Variants in EFCAB14 observed in about 807,000 individuals in gnomAD.
EFCAB14 encodes EF-hand calcium-binding domain-containing protein 14.
EFCAB14 carries 43 observed loss-of-function variants against 56.5 expected under a neutral mutation model. The ratio of observed to expected loss-of-function variants is 0.76; its 90% CI spans 0.60 to 0.98. The LOEUF is 0.98. Among genes scored for constraint, EFCAB14 ranks in the 50% least tolerant of loss-of-function variants. EFCAB14 has a pLI of 0.00. For synonymous variants in EFCAB14, 235 were observed against 212.9 expected (o/e 1.10, Z -0.90); for missense variants, 538 against 580.3 (o/e 0.93, Z 0.75).
At chr1:46,682,869 C>A (rs1193545750) in intron 10 of EFCAB14, among the ~76,000 whole-genome samples, 2 of 152,018 alleles carry the variant, frequency 1.3e-5, no homozygotes, top group African/African-American at 4.8e-5. Flanking sequence ...ACTAAAAATA[C>A]AAAAAATTAG....
chr1:46,714,339 T>A (rs1044630407), intron 2 of EFCAB14, among the ~76,000 whole-genome samples: 10 of 151,932 alleles, frequency 6.6e-5, no homozygotes, highest in African/African-American at 2.2e-4. Flanking sequence ...CTCATGCTAT[T>A]AAGGTTAGGG....
At chr1:46,709,584 A>G (rs1386617210) in intron 2 of EFCAB14, among the ~76,000 whole-genome samples, 2 of 152,256 alleles carry the variant, frequency 1.3e-5, no homozygotes, top group Non-Finnish European at 2.9e-5. Context: ...TCCAGCAGCC[A>G]GCACAGAGCC....
At chr1:46,678,667 C>T (rs756504344) in intron 10 of EFCAB14, 31 bp from the exon 11 acceptor site, 11 of 1,571,224 alleles carry the variant, frequency 7.0e-6, no homozygotes, top group Admixed American at 3.7e-5. Context: ...AAAATGTATA[C>T]GTCTAAACAT....
rs1200984070 is a variant in EFCAB14 at position 46,689,725 on chromosome 1, A to G, written c.691-34T>C. 2.5e-6 allele frequency: 4 copies of G among 1,577,022 alleles called. No homozygotes were observed. In the South Asian group the frequency reaches 3.3e-5, roughly 13 times the overall value. On this transcript the variant is annotated intron_variant, in intron 5 of 10. Coordinates refer to ENST00000371933, the MANE Select transcript of EFCAB14 (RefSeq NM_014774.3). ...AGGAAAGAAGTTTAGTGTAGGCAAC[A>G]AGGAATTATTAGGTCTACTTAACTA...
rs548072080 is a variant in EFCAB14, at chr1:46,706,135, G to C, written c.480+1771C>G. The stretch of plus-strand genomic sequence containing the variant: ...TCCCACCTTGGCCTCCCAAAGTGTT[G>C]GGATTACAGGTGTGAGCCACCACAC... On this transcript the variant is annotated intron_variant, in intron 3 of 10. Transcript: ENST00000371933. 2.0e-5 allele frequency among the ~76,000 whole-genome samples: 3 copies of C among 152,188 alleles called. No homozygotes were observed. The East Asian group carries it at 5.8e-4, about 29-fold the overall frequency.
At chr1:46,714,502 G>C (rs1175137467) in intron 2 of EFCAB14, among the ~76,000 whole-genome samples, 1 of 151,478 alleles carries the variant, frequency 6.6e-6, no homozygotes, top group Non-Finnish European at 1.5e-5. Flanking sequence ...TTTGGAAAAA[G>C]TAATTTGGGC....
Position 46,687,875 on chromosome 1 carries a change from C to T in EFCAB14, c.987+478G>A, listed in dbSNP as rs2119301. On this transcript the variant is annotated intron_variant, in intron 7 of 10. Transcript: ENST00000371933. Reference sequence around the variant, plus strand: ...CTGACCTGATCTGTTTCCTGACATACGCAAAAGGTTCCCCTTAATATATAG... The same window carrying T: ...CTGACCTGATCTGTTTCCTGACATATGCAAAAGGTTCCCCTTAATATATAG... Among the ~76,000 whole-genome samples the T allele has an allele frequency of 4.2e-3, 643 of 152,042 alleles. 1 individual carries two copies. The highest frequency in any genetic ancestry group is 0.014 in the African/African-American group (589 of 41,452).
At chr1:46,680,711 T>C (rs1349853270) in intron 10 of EFCAB14, among the ~76,000 whole-genome samples, 2 of 152,204 alleles carry the variant, frequency 1.3e-5, no homozygotes, top group Non-Finnish European at 2.9e-5. Flanking sequence ...AAACACTGCA[T>C]TTTAAAAAGG....
At chr1:46,678,995 G>A (rs1308290939) in intron 10 of EFCAB14, among the ~76,000 whole-genome samples, 1 of 152,170 alleles carries the variant, frequency 6.6e-6, no homozygotes, top group Non-Finnish European at 1.5e-5. Flanking sequence ...AGAATGAATG[G>A]TCTCATCTTC....
At chr1:46,682,993 G>A (rs1193369766) in intron 10 of EFCAB14, among the ~76,000 whole-genome samples, 2 of 147,688 alleles carry the variant, frequency 1.4e-5, no homozygotes, top group African/African-American at 4.9e-5. Flanking sequence ...CTGCACTCCA[G>A]CCTGGGGGTC....
intron 4 of EFCAB14, among the ~76,000 whole-genome samples, chr1:46,693,494 A>G (rs987060586): frequency 6.6e-6 from 1 of 152,190 alleles, no homozygotes; most frequent in African/African-American, 2.4e-5. Context: ...TTGCAAAGAG[A>G]CAACACACTG....
intron 2 of EFCAB14, among the ~76,000 whole-genome samples, chr1:46,711,889 C>T (rs939342450): frequency 2.6e-5 from 4 of 152,172 alleles, no homozygotes; most frequent in Non-Finnish European, 4.4e-5. Context: ...CATCCCTGCA[C>T]CGGCACTAGT....
Position 46,686,806 on chromosome 1 carries a change from G to C in EFCAB14, c.1052C>G (p.Thr351Arg), listed in dbSNP as rs200625014. Residue 351 changes from threonine to arginine, a missense_variant, in exon 8 of 11, where the codon ACA becomes AGA. By Grantham distance (71) the Thr-to-Arg change is moderately conservative. Coordinates refer to ENST00000371933, the MANE Select transcript of EFCAB14 (RefSeq NM_014774.3). ...TACCTTTATGCTTTGGATTTTTACT[G>C]TATCTGTTCTGTTGGTGACTTGATC... ...SLDQVTNRTD[T>R]VKIQSIKKED... 1 of 1,613,730 alleles carries C rather than the reference G, an allele frequency of 6.2e-7. No individual in the cohort carries two copies. The highest frequency in any genetic ancestry group is 8.5e-7 in the Non-Finnish European group (1 of 1,179,812).
At position 46,683,352 on chromosome 1, in the gene EFCAB14, C is replaced by G; in HGVS notation, c.1260G>C (p.Glu420Asp). 2 of 1,614,074 alleles carry G rather than the reference C, an allele frequency of 1.2e-6. No homozygotes were observed. Among genetic ancestry groups the G allele is most frequent in the Non-Finnish European group, 1.7e-6 (2 of 1,179,986 alleles). The change falls in exon 10 of 11, where the codon GAG becomes GAC. Residue 420 changes from glutamate to aspartate, a missense_variant. Physicochemically the swap from Glu to Asp is conservative, Grantham distance 45. Transcript: ENST00000371933. ...KFSQFLGDPV[E>D]KAAQLRPISL... ...AGATAGGTCTTAGTTGGGCAGCTTT[C>G]TCAACTGGGTCTCCAAGAAACTGTG...
chr1:46,684,430 C>T (rs1676845369), intron 9 of EFCAB14, 61 bp downstream of exon 9: 3 of 1,381,390 alleles, frequency 2.2e-6, no homozygotes, highest in Non-Finnish European at 2.1e-6. Flanking sequence ...CCCTGCTCCC[C>T]ATGTGAGAGG....
chr1:46,703,785 G>GTATA (rs1171045657), intron 3 of EFCAB14, among the ~76,000 whole-genome samples: 1 of 152,214 alleles, frequency 6.6e-6, no homozygotes, highest in African/African-American at 2.4e-5. Flanking sequence ...AAACTCAGCT[G>GTATA]TATATATGCA....
At chr1:46,713,549 A>C (rs944174713) in intron 2 of EFCAB14, among the ~76,000 whole-genome samples, 3 of 152,186 alleles carry the variant, frequency 2.0e-5, no homozygotes, top group Non-Finnish European at 4.4e-5. Flanking sequence ...TTCCCAAAGA[A>C]ATTACCTGAA....
rs1676705722 is a variant in EFCAB14 at position 46,676,989 on chromosome 1, T to C, written c.*1472A>G. 1 of 152,622 alleles carries C rather than the reference T, an allele frequency of 6.6e-6. No homozygotes were observed. The highest frequency in any genetic ancestry group is 2.4e-5 in the African/African-American group (1 of 41,456). 9.5% of individuals were successfully genotyped at this position (152,622 alleles called of 1,614,324 possible). On this transcript the variant is annotated 3_prime_UTR_variant, in exon 11 of 11. Coordinates refer to ENST00000371933, the MANE Select transcript of EFCAB14 (RefSeq NM_014774.3). ...CTAAAGAAGTCTGTGGCATGACAGCTTTCTCTACTTTCTCCCTGACTTGGC... is the reference window on the plus strand; with the variant it reads ...CTAAAGAAGTCTGTGGCATGACAGCCTTCTCTACTTTCTCCCTGACTTGGC...
chr1:46,716,220 G>C, intron 2 of EFCAB14, 75 bp downstream of exon 2: 3 of 1,438,118 alleles, frequency 2.1e-6, no homozygotes, highest in Non-Finnish European at 1.8e-6. Flanking sequence ...CTGTACTCCA[G>C]CCTAGGCGAC....
Sources: allele counts gnomAD v4.1 joint callset (sites outside exome capture counted in the v4.1 genomes callset), GRCh38; gene constraint gnomAD v4.1.1; transcripts MANE v1.5; gene names NCBI Gene and HGNC (gene_info 2026-07-23, HGNC 2026-07-21).